Variants in SEMA6D observed in about 807,000 individuals in gnomAD.
SEMA6D encodes the protein semaphorin 6D.
In SEMA6D, 35 loss-of-function variants were observed where a neutral mutation model predicts 106.6. The observed-to-expected ratio is 0.33, with a 90% confidence interval of 0.25 to 0.44. The LOEUF (loss-of-function observed/expected upper bound fraction) is 0.44, where lower values mean the gene tolerates loss of function less well. Among genes scored for constraint, SEMA6D ranks in the 20% least tolerant of loss-of-function variants. SEMA6D has a pLI of 1.00. For synonymous variants in SEMA6D, 499 were observed against 487.7 expected (o/e 1.02, Z -0.31); for missense variants, 1,185 against 1,345.9 (o/e 0.88, Z 1.87).
At position 47,499,436 on chromosome 15, in the gene SEMA6D, A is replaced by G. The variant is rs2043775283; in HGVS notation, c.-87+28891A>G. Among the ~76,000 whole-genome samples, 6 of 152,188 alleles carry G rather than the reference A, an allele frequency of 3.9e-5. 1 individual carries two copies. Among genetic ancestry groups the G allele is most frequent in the Admixed American group, 3.9e-4 (6 of 15,256 alleles). On this transcript the variant is annotated intron_variant, in intron 3 of 19. Coordinates refer to the SEMA6D transcript ENST00000558014. ...TTAAACATTTATGTTATTTGTATCA[A>G]AAATTAATTATGGATCTATTAATTC...
chr15:47,221,014 T>A (rs2031146934), intron 1 of SEMA6D, among the ~76,000 whole-genome samples: 1 of 152,184 alleles, frequency 6.6e-6, no homozygotes, highest in Non-Finnish European at 1.5e-5. Flanking sequence ...CTTAATGGGC[T>A]AATTTTTCTG....
chr15:47,480,452 C>T (rs113918714), intron 3 of SEMA6D, among the ~76,000 whole-genome samples: 4,081 of 152,170 alleles, frequency 0.027, 186 homozygotes, highest in African/African-American at 0.094. Context: ...ACTGATTCCC[C>T]ATTATTCTCC....
intron 1 of SEMA6D, among the ~76,000 whole-genome samples, chr15:47,213,541 TC>T (rs1331109817): frequency 1.3e-5 from 2 of 152,184 alleles, no homozygotes; most frequent in East Asian, 3.8e-4. Flanking sequence ...TGGTTCCCTC[TC>T]CTCCACTATG....
intron 3 of SEMA6D, among the ~76,000 whole-genome samples, chr15:47,581,580 G>A (rs1163984696): frequency 1.3e-5 from 2 of 152,176 alleles, no homozygotes; most frequent in Non-Finnish European, 2.9e-5. Flanking sequence ...TCTAGGAGGA[G>A]TAGTGGTGGG....
intron 2 of SEMA6D, among the ~76,000 whole-genome samples, chr15:47,458,285 A>G (rs984138629): frequency 2.3e-5 from 3 of 131,658 alleles, no homozygotes; most frequent in African/African-American, 9.5e-5. Flanking sequence ...TGAATATTTT[A>G]ACAATTTATT....
At chr15:47,720,140 A>C (rs1384191842) in intron 1 of SEMA6D, among the ~76,000 whole-genome samples, 1 of 152,142 alleles carries the variant, frequency 6.6e-6, no homozygotes, top group Admixed American at 6.5e-5. Flanking sequence ...TGTTGAGCAG[A>C]CTGTTTTCTT....
intron 18 of SEMA6D, among the ~76,000 whole-genome samples, chr15:47,769,353 T>C (rs1451175668): frequency 1.3e-5 from 2 of 152,212 alleles, no homozygotes; most frequent in Non-Finnish European, 2.9e-5. Flanking sequence ...TACTAAACTA[T>C]GGTATCAGGT....
intron 1 of SEMA6D, among the ~76,000 whole-genome samples, chr15:47,209,852 GC>G (rs1295946428): frequency 6.6e-6 from 1 of 152,114 alleles, no homozygotes; most frequent in African/African-American, 2.4e-5. Context: ...TCTTATGAAT[GC>G]TTTTGATTCA....
At chr15:47,222,688 G>A (rs1430453650) in intron 1 of SEMA6D, among the ~76,000 whole-genome samples, 5 of 152,170 alleles carry the variant, frequency 3.3e-5, no homozygotes, top group African/African-American at 1.2e-4. Context: ...TGTCAGGGTA[G>A]TCAAACACAT....
rs752173402 is a variant in SEMA6D, at chr15:47,771,359, T to C, written c.2796T>C (p.Pro932=). 6.2e-7 allele frequency: 1 copy of C among 1,613,960 alleles called. No homozygotes were observed. The highest frequency in any genetic ancestry group is 8.5e-7 in the Non-Finnish European group (1 of 1,179,954). ...VPNREASLYS[P]PSTLPRNSPT... Reference sequence around the variant, plus strand: ...ACCGGGAGGCATCGCTATACTCCCCTCCTTCAACTCTCCCCAGAAATAGCC... The same window carrying C: ...ACCGGGAGGCATCGCTATACTCCCCCCCTTCAACTCTCCCCAGAAATAGCC... The change falls in exon 19 of 19, where the codon CCT becomes CCC. Residue 932 remains proline (P), a synonymous_variant. Transcript: ENST00000536845.
chr15:47,600,252 GC>G (rs1481182329), intron 3 of SEMA6D, among the ~76,000 whole-genome samples: 1 of 152,024 alleles, frequency 6.6e-6, no homozygotes, highest in Non-Finnish European at 1.5e-5. Flanking sequence ...CAGATTCTTT[GC>G]CTTATATTAT....
At chr15:47,239,811 T>C (rs907697009) in intron 1 of SEMA6D, among the ~76,000 whole-genome samples, 3 of 152,252 alleles carry the variant, frequency 2.0e-5, no homozygotes, top group African/African-American at 7.2e-5. Flanking sequence ...AACACACGAG[T>C]AGTATGTGAT....
chr15:47,626,225 CAG>C (rs2077199873), intron 4 of SEMA6D, among the ~76,000 whole-genome samples: 1 of 152,148 alleles, frequency 6.6e-6, no homozygotes, highest in Non-Finnish European at 1.5e-5. Flanking sequence ...TACATGAAAT[CAG>C]GGGTCTGTCT....
intron 1 of SEMA6D, among the ~76,000 whole-genome samples, chr15:47,241,719 A>C (rs1306352321): frequency 3.9e-5 from 6 of 152,062 alleles, no homozygotes; most frequent in Non-Finnish European, 8.8e-5. Context: ...AAACCTCTTA[A>C]AAATCAACCT....
intron 3 of SEMA6D, among the ~76,000 whole-genome samples, chr15:47,514,953 A>G (rs2044341689): frequency 2.0e-5 from 3 of 152,180 alleles, no homozygotes; most frequent in Admixed American, 2.0e-4. Context: ...TATATACTTG[A>G]AAGTTGAAGG....
rs1214998538 is a variant in SEMA6D at position 47,256,059 on chromosome 15, CTG to C, written c.-239+71643_-239+71644del. Among the ~76,000 whole-genome samples the C allele has an allele frequency of 5.3e-5, 8 of 152,224 alleles. No individual in the cohort carries two copies. The East Asian group carries it at 1.5e-3, about 29-fold the overall frequency. ...TAGTCTGTTCCATTAATCTATGTGT[CTG>C]TTTCTCTACTAACAACATAATGTCT... On this transcript the variant is annotated intron_variant, in intron 1 of 19. Transcript: ENST00000558014.
intron 1 of SEMA6D, among the ~76,000 whole-genome samples, chr15:47,300,773 C>G (rs933211224): frequency 6.6e-6 from 1 of 152,232 alleles, no homozygotes; most frequent in African/African-American, 2.4e-5. Flanking sequence ...TGCCACCCAT[C>G]TGCCTTCTGT....
intron 4 of SEMA6D, among the ~76,000 whole-genome samples, chr15:47,691,209 A>G (rs770643231): frequency 1.5e-4 from 23 of 152,044 alleles, no homozygotes; most frequent in Non-Finnish European, 3.4e-4. Context: ...TAAAGTTACT[A>G]TTTTTCCCTT....
intron 3 of SEMA6D, among the ~76,000 whole-genome samples, chr15:47,520,846 G>A (rs2044550008): frequency 6.6e-6 from 1 of 152,184 alleles, no homozygotes; most frequent in Admixed American, 6.5e-5. Context: ...CTAGAGTCTG[G>A]CAAAAGTGGA....
Sources: allele counts gnomAD v4.1 joint callset (sites outside exome capture counted in the v4.1 genomes callset), GRCh38; gene constraint gnomAD v4.1.1; transcripts MANE v1.5; gene names NCBI Gene and HGNC (gene_info 2026-07-23, HGNC 2026-07-21).